Variants in CTNNA3 observed in about 807,000 individuals in gnomAD.
CTNNA3 encodes the protein catenin alpha 3.
CTNNA3 carries 76 observed loss-of-function variants against 95.7 expected under a neutral mutation model. The ratio of observed to expected loss-of-function variants is 0.79; its 90% CI spans 0.66 to 0.96. The LOEUF (loss-of-function observed/expected upper bound fraction) is 0.96. Ranked by LOEUF, CTNNA3 falls within the 40% of genes least tolerant of loss-of-function variation. CTNNA3 has a pLI of 0.00. For missense variants in CTNNA3, 1,191 were observed against 1,089.8 expected (o/e 1.09, Z -1.31); for synonymous variants, 431 against 374.4 (o/e 1.15, Z -1.74).
At chr10:66,570,514 C>T (rs1331191668) in intron 10 of CTNNA3, among the ~76,000 whole-genome samples, 3 of 151,962 alleles carry the variant, frequency 2.0e-5, no homozygotes, top group African/African-American at 4.8e-5. Context: ...GTCTTGATCT[C>T]TTGACCTCGT....
At chr10:67,536,662 C>CA (rs1840495968) in intron 4 of CTNNA3, among the ~76,000 whole-genome samples, 1 of 152,058 alleles carries the variant, frequency 6.6e-6, no homozygotes. Flanking sequence ...GTTCTGGGGT[C>CA]AAAAACATTT....
chr10:66,165,711 G>A (rs188530081), intron 13 of CTNNA3, among the ~76,000 whole-genome samples: 6 of 151,894 alleles, frequency 4.0e-5, no homozygotes, highest in Admixed American at 3.3e-4. Flanking sequence ...TTATATATGT[G>A]CATGTGTCAT....
chr10:66,152,653 G>A (rs1051730062), intron 13 of CTNNA3, among the ~76,000 whole-genome samples: 2 of 151,812 alleles, frequency 1.3e-5, no homozygotes. Flanking sequence ...TCAAAATGCT[G>A]TGCAAACTAT....
intron 7 of CTNNA3, among the ~76,000 whole-genome samples, chr10:67,093,178 C>A (rs1201026470): frequency 6.6e-6 from 1 of 151,722 alleles, no homozygotes; most frequent in Admixed American, 6.6e-5. Context: ...TTAAATAGAG[C>A]CTTCCAACAA....
chr10:66,521,567 G>A (rs1217439384), intron 10 of CTNNA3, among the ~76,000 whole-genome samples: 2 of 152,110 alleles, frequency 1.3e-5, no homozygotes, highest in Admixed American at 6.6e-5. Context: ...GCACTGTAAT[G>A]GTGAAGAAGG....
intron 3 of CTNNA3, among the ~76,000 whole-genome samples, chr10:67,582,138 T>C (rs1842426259): frequency 7.0e-6 from 1 of 143,248 alleles, no homozygotes; most frequent in Non-Finnish European, 1.5e-5. Flanking sequence ...TCTAGTTCTT[T>C]TAATTGTGAT....
At chr10:67,520,835 T>A (rs899441116) in intron 5 of CTNNA3, among the ~76,000 whole-genome samples, 1 of 152,176 alleles carries the variant, frequency 6.6e-6, no homozygotes, top group African/African-American at 2.4e-5. Context: ...TTAATGAGAT[T>A]TAACTAAAAA....
At chr10:66,290,477 TGAAAA>T (rs1306508720) in intron 12 of CTNNA3, among the ~76,000 whole-genome samples, 4 of 152,086 alleles carry the variant, frequency 2.6e-5, no homozygotes, top group Non-Finnish European at 5.9e-5. Flanking sequence ...AGGATATACT[TGAAAA>T]GACTTTTCCT....
intron 7 of CTNNA3, among the ~76,000 whole-genome samples, chr10:66,958,270 C>A (rs903387399): frequency 8.6e-6 from 1 of 115,832 alleles, no homozygotes; most frequent in African/African-American, 3.3e-5. Flanking sequence ...TATTGGTTAA[C>A]AAACCACAGG....
At chr10:66,039,318 C>T (rs978180949) in intron 15 of CTNNA3, among the ~76,000 whole-genome samples, 1 of 152,162 alleles carries the variant, frequency 6.6e-6, no homozygotes, top group Admixed American at 6.5e-5. Flanking sequence ...CTGGCCGAAG[C>T]AATTTATAGA....
At position 66,727,871 on chromosome 10, in the gene CTNNA3, C is replaced by A. The variant is rs140507097; in HGVS notation, c.1281+38393G>T. Among the ~76,000 whole-genome samples, 910 of 152,116 alleles carry A rather than the reference C, an allele frequency of 6.0e-3. 8 individuals carry two copies. Among genetic ancestry groups the A allele is most frequent in the Non-Finnish European group, 8.2e-3 (558 of 67,954 alleles). On this transcript the variant is annotated intron_variant, in intron 9 of 17. Coordinates refer to ENST00000433211, the MANE Select transcript of CTNNA3 (RefSeq NM_013266.4). Reference sequence around the variant, plus strand: ...GTAGATTATGGTGTAAGGTTTTATACACAAATGTAAAGGTTTTAATTCAAA... The same window carrying A: ...GTAGATTATGGTGTAAGGTTTTATAAACAAATGTAAAGGTTTTAATTCAAA...
rs143931978 is a variant in CTNNA3 at position 67,040,768 on chromosome 10, A to G, written c.1047+139549T>C. Among the ~76,000 whole-genome samples, 148 of 152,234 alleles carry G rather than the reference A, an allele frequency of 9.7e-4. 1 individual carries two copies. The highest frequency in any genetic ancestry group is 3.3e-3 in the African/African-American group (136 of 41,544). On this transcript the variant is annotated intron_variant, in intron 7 of 17. Coordinates refer to ENST00000433211, the MANE Select transcript of CTNNA3 (RefSeq NM_013266.4). ...AATGCATCCTGAAATATCAGCGTAAAAGCAGAATCCATTCTCTGTGGTATT... is the reference window on the plus strand; with the variant it reads ...AATGCATCCTGAAATATCAGCGTAAGAGCAGAATCCATTCTCTGTGGTATT...
intron 13 of CTNNA3, among the ~76,000 whole-genome samples, chr10:66,106,358 TGTG>T (rs1165386594): frequency 1.2e-4 from 18 of 151,436 alleles, no homozygotes; most frequent in African/African-American, 4.4e-4. Flanking sequence ...TGTGTGTGTG[TGTG>T]TGTGTGTGTG....
In CTNNA3 at chr10:66,256,735, G is replaced by A. The variant is rs145607506; in HGVS notation, c.1884+23735C>T. ...AGACATTGTCTCAAAAAAAAAAAGC[G>A]TAAATTGGAGGAGAAAAAATGCCGT... On this transcript the variant is annotated intron_variant, in intron 13 of 17. Coordinates refer to ENST00000433211, the MANE Select transcript of CTNNA3 (RefSeq NM_013266.4). 6.7e-3 allele frequency among the ~76,000 whole-genome samples: 1,001 copies of A among 150,260 alleles called. 12 individuals are homozygous for A. The highest frequency in any genetic ancestry group is 0.023 in the African/African-American group (950 of 40,748).
At chr10:67,476,263 C>T (rs1848007061) in intron 5 of CTNNA3, among the ~76,000 whole-genome samples, 1 of 152,140 alleles carries the variant, frequency 6.6e-6, no homozygotes, top group Non-Finnish European at 1.5e-5. Context: ...GCTCCATGCC[C>T]AGGCAGATCT....
At chr10:67,380,783 G>C (rs1302415257) in intron 5 of CTNNA3, among the ~76,000 whole-genome samples, 1 of 152,160 alleles carries the variant, frequency 6.6e-6, no homozygotes, top group Non-Finnish European at 1.5e-5. Flanking sequence ...AAGGGAGAGA[G>C]CAACTACTAT....
chr10:66,363,256 G>A (rs544583121), intron 12 of CTNNA3, among the ~76,000 whole-genome samples: 3 of 152,322 alleles, frequency 2.0e-5, no homozygotes, highest in East Asian at 1.9e-4. Flanking sequence ...TGGACTGAAT[G>A]TTTGTGTCCC....
At chr10:66,902,172 A>G (rs929246062) in intron 7 of CTNNA3, among the ~76,000 whole-genome samples, 12 of 152,188 alleles carry the variant, frequency 7.9e-5, no homozygotes, top group Non-Finnish European at 1.8e-4. Flanking sequence ...AGAAATCACA[A>G]CAAACTGTCT....
intron 13 of CTNNA3, among the ~76,000 whole-genome samples, chr10:66,201,329 T>C (rs1194803534): frequency 6.6e-6 from 1 of 152,204 alleles, no homozygotes; most frequent in Non-Finnish European, 1.5e-5. Context: ...TAGTTGATCC[T>C]GAATCTTTCC....
Sources: gnomAD v4.1 joint callset for allele counts (sites outside exome capture counted in the v4.1 genomes callset) on GRCh38, gnomAD v4.1.1 for gene constraint, MANE v1.5 for transcripts, NCBI Gene and HGNC (gene_info 2026-07-23, HGNC 2026-07-21) for gene names.